Variants in GAPDHS observed in about 807,000 individuals in gnomAD.
The protein encoded by GAPDHS is glyceraldehyde-3-phosphate dehydrogenase, spermatogenic, also known as glyceraldehyde-3-phosphate dehydrogenase, testis-specific.
In GAPDHS, 42 loss-of-function variants were observed where a neutral mutation model predicts 48.7. The observed-to-expected ratio is 0.86, with a 90% confidence interval of 0.67 to 1.12. GAPDHS has a LOEUF of 1.12. GAPDHS is among the 50% of genes most tolerant of loss of function. The pLI, the probability that GAPDHS is intolerant of heterozygous loss-of-function variation, is 0.00. For synonymous variants in GAPDHS, 166 were observed against 219.1 expected (o/e 0.76, Z 2.14); for missense variants, 512 against 557.7 (o/e 0.92, Z 0.82).
intron 2 of GAPDHS, 108 bp downstream of exon 2, chr19:35,537,098 C>T (rs562972372): frequency 2.3e-5 from 22 of 944,058 alleles, no homozygotes; most frequent in Non-Finnish European, 3.0e-5. Context: ...GCTTTCGTTC[C>T]GACGACCCTG....
intron 1 of GAPDHS, among the ~76,000 whole-genome samples, chr19:35,534,783 G>A (rs1358382859): frequency 6.6e-6 from 1 of 152,098 alleles, no homozygotes; most frequent in Non-Finnish European, 1.5e-5. Context: ...AACACCTATA[G>A]TCCAGCCTCA....
intron 1 of GAPDHS, among the ~76,000 whole-genome samples, chr19:35,536,310 T>G (rs1198208435): frequency 1.3e-5 from 2 of 151,756 alleles, no homozygotes; most frequent in Non-Finnish European, 2.9e-5. Flanking sequence ...CCAGGCGCAG[T>G]GGCTCACACC....
intron 4 of GAPDHS, among the ~76,000 whole-genome samples, chr19:35,539,911 C>A (rs2071490603): frequency 1.3e-5 from 2 of 152,232 alleles, no homozygotes; most frequent in South Asian, 4.1e-4. Context: ...CCCCCTCCGT[C>A]CACGGTCCCG....
intron 1 of GAPDHS, among the ~76,000 whole-genome samples, chr19:35,536,313 C>A (rs923741749): frequency 6.6e-6 from 1 of 152,050 alleles, no homozygotes; most frequent in African/African-American, 2.4e-5. Flanking sequence ...GGCGCAGTGG[C>A]TCACACCTGT....
rs565926193 is a variant in GAPDHS at position 35,545,310 on chromosome 19, A to T, written c.*140A>T. 1.3e-6 allele frequency: 1 copy of T among 744,546 alleles called. No homozygotes were observed. Among genetic ancestry groups the T allele is most frequent in the African/African-American group, 1.7e-5 (1 of 57,968 alleles). 46.1% of individuals were successfully genotyped at this position (744,546 alleles called of 1,614,324 possible). On this transcript the variant is annotated 3_prime_UTR_variant, in exon 11 of 11. Coordinates refer to ENST00000222286, the MANE Select transcript of GAPDHS (RefSeq NM_014364.5). ...ATGGGTCCATGGTGAAATAAAAAAC[A>T]GTGCTCACGGCTGCGTCCCGTATCT...
At chr19:35,539,113 T>C (rs2071484636) in intron 4 of GAPDHS, among the ~76,000 whole-genome samples, 1 of 152,064 alleles carries the variant, frequency 6.6e-6, no homozygotes, top group African/African-American at 2.4e-5. Context: ...CCCAGGCTGG[T>C]CTCAAACTCC....
intron 4 of GAPDHS, 49 bp downstream of exon 4, chr19:35,538,732 G>A (rs1009697079): frequency 8.4e-7 from 1 of 1,194,972 alleles, no homozygotes; most frequent in Non-Finnish European, 1.2e-6. Flanking sequence ...TTGAGGCAGG[G>A]CATGTGGAGG....
intron 1 of GAPDHS, 81 bp downstream of exon 1, chr19:35,533,675 C>A: frequency 9.4e-7 from 1 of 1,062,360 alleles, no homozygotes; most frequent in Non-Finnish European, 1.4e-6. Flanking sequence ...TGTGCCGTAT[C>A]CCTACCGCCC....
chr19:35,544,336 C>T (rs1285926543), intron 9 of GAPDHS: 8 of 166,100 alleles, frequency 4.8e-5, no homozygotes, highest in African/African-American at 1.9e-4. Flanking sequence ...ATGCCATGGT[C>T]ATGGTGGACC....
At chr19:35,545,069 C>G in intron 10 of GAPDHS, 29 bp from the exon 11 acceptor site, 1 of 1,610,298 alleles carries the variant, frequency 6.2e-7, no homozygotes, top group Non-Finnish European at 8.5e-7. Context: ...GAAGGAACCC[C>G]CTTGAACCTC....
At position 35,536,273 on chromosome 19, in the gene GAPDHS, G is replaced by A. The variant is rs370998457; in HGVS notation, c.68-540G>A. ...AGGCACAGAGAATGTCACCCCAAGC[G>A]ATCTATGTTGAAAGTACATACCCCG... is the stretch of plus-strand genomic sequence containing the variant. On this transcript the variant is annotated intron_variant, in intron 1 of 10. Coordinates refer to ENST00000222286, the MANE Select transcript of GAPDHS (RefSeq NM_014364.5). Among the ~76,000 whole-genome samples, 5 of 151,888 alleles carry A rather than the reference G, an allele frequency of 3.3e-5. No individual in the cohort carries two copies. In the East Asian group the frequency reaches 5.8e-4, roughly 18 times the overall value.
rs752181279 is a variant in GAPDHS, at chr19:35,545,082, G to A, written c.1155-16G>A. 14 of 1,613,184 alleles carry A rather than the reference G, an allele frequency of 8.7e-6. No homozygotes were observed. Among genetic ancestry groups the A allele is most frequent in the Non-Finnish European group, 2.5e-6 (3 of 1,179,140 alleles). ...CGGAAGGAACCCCCTTGAACCTCCCGACCCCTCCTCCACAGGTACGACAAC... is the reference window on the plus strand; with the variant it reads ...CGGAAGGAACCCCCTTGAACCTCCCAACCCCTCCTCCACAGGTACGACAAC... On this transcript the variant is annotated splice_polypyrimidine_tract_variant and intron_variant, in intron 10 of 10. Coordinates refer to ENST00000222286, the MANE Select transcript of GAPDHS (RefSeq NM_014364.5).
In GAPDHS at chr19:35,535,226, G is replaced by A. The variant is rs573546985; in HGVS notation, c.68-1587G>A. Among the ~76,000 whole-genome samples the A allele has an allele frequency of 5.3e-4, 81 of 152,248 alleles. 1 individual carries two copies. The South Asian group carries it at 5.6e-3, about 11-fold the overall frequency. On this transcript the variant is annotated intron_variant, in intron 1 of 10. Transcript: ENST00000222286. ...GCCCTCCTCTGTAGCTCAGGCGGCT[G>A]CTACCTCCAGGCGCAGGTGTTTTTA...
intron 1 of GAPDHS, among the ~76,000 whole-genome samples, chr19:35,535,629 T>C (rs2071460816): frequency 6.6e-6 from 1 of 152,018 alleles, no homozygotes; most frequent in Non-Finnish European, 1.5e-5. Context: ...TCAGGTGATC[T>C]GCCTGCCTCG....
Position 35,545,296 on chromosome 19 carries a change from G to C in GAPDHS, c.*126G>C, listed in dbSNP as rs1273996258. ...GGCGCCCCACGCCGATGGGTCCATGGTGAAATAAAAAACAGTGCTCACGGC... is the reference window on the plus strand; with the variant it reads ...GGCGCCCCACGCCGATGGGTCCATGCTGAAATAAAAAACAGTGCTCACGGC... On this transcript the variant is annotated 3_prime_UTR_variant, in exon 11 of 11. Transcript: ENST00000222286. The C allele has an allele frequency of 1.3e-6, 1 of 776,320 alleles. No individual in the cohort carries two copies. Among genetic ancestry groups the C allele is most frequent in the East Asian group, 2.6e-5 (1 of 38,426 alleles). 48.1% of individuals were successfully genotyped at this position (776,320 alleles called of 1,614,324 possible).
At chr19:35,544,842 C>A in intron 9 of GAPDHS, 67 bp from the exon 10 acceptor site, 1 of 879,118 alleles carries the variant, frequency 1.1e-6, no homozygotes, top group Non-Finnish European at 2.0e-6. Context: ...AGTTAAGAGT[C>A]GGGGCCTCAG....
intron 4 of GAPDHS, among the ~76,000 whole-genome samples, chr19:35,539,796 A>G (rs2071489476): frequency 2.0e-5 from 3 of 152,310 alleles, no homozygotes; most frequent in Non-Finnish European, 2.9e-5. Context: ...CAAGTTTGAA[A>G]TCATGACACT....
intron 1 of GAPDHS, among the ~76,000 whole-genome samples, chr19:35,534,529 C>CT (rs1277686014): frequency 6.6e-6 from 1 of 152,090 alleles, no homozygotes; most frequent in East Asian, 1.9e-4. Context: ...AGCCCCCAGG[C>CT]TTTTCTCCAA....
At position 35,543,286 on chromosome 19, in the gene GAPDHS, G is replaced by C; in HGVS notation, c.742-54G>C. On this transcript the variant is annotated intron_variant, in intron 7 of 10. Coordinates refer to ENST00000222286, the MANE Select transcript of GAPDHS (RefSeq NM_014364.5). ...CACCAACTTAGTCCTGGAAAAAAGA[G>C]GCATGGGAGCTTAGGAGCATGAAGG... 1.9e-6 allele frequency: 3 copies of C among 1,592,458 alleles called. No individual in the cohort carries two copies. The South Asian group carries it at 3.4e-5, about 18-fold the overall frequency.
Sources: allele counts gnomAD v4.1 joint callset (sites outside exome capture counted in the v4.1 genomes callset), GRCh38; gene constraint gnomAD v4.1.1; transcripts MANE v1.5; gene names NCBI Gene and HGNC (gene_info 2026-07-23, HGNC 2026-07-21).